The following CMIP variants were observed in gnomAD, a reference collection of about 807,000 sequenced individuals.
The protein encoded by CMIP is C-Maf-inducing protein.
In CMIP, 13 loss-of-function variants were observed where a neutral mutation model predicts 97.3. The ratio of observed to expected loss-of-function variants is 0.13; its 90% CI spans 0.09 to 0.21. The LOEUF (loss-of-function observed/expected upper bound fraction) is 0.21, where lower values mean the gene tolerates loss of function less well. Among genes scored for constraint, CMIP ranks in the 10% least tolerant of loss-of-function variants. The pLI is 1.00. For synonymous variants in CMIP, 538 were observed against 436.3 expected (o/e 1.23, Z -2.91); for missense variants, 847 against 1,024.9 (o/e 0.83, Z 2.37).
chr16:81,497,785 C>T (rs529626136), intron 1 of CMIP, among the ~76,000 whole-genome samples: 2 of 152,350 alleles, frequency 1.3e-5, no homozygotes, highest in South Asian at 4.1e-4. Flanking sequence ...GAGCCTTGGC[C>T]GACACAGGTG....
intron 1 of CMIP, among the ~76,000 whole-genome samples, chr16:81,599,911 C>G (rs1169956917): frequency 6.6e-6 from 1 of 152,120 alleles, no homozygotes; most frequent in Admixed American, 6.5e-5. Context: ...CCACGGGCAC[C>G]TGTGAATGTC....
intron 13 of CMIP, chr16:81,696,358 G>A: frequency 1.6e-6 from 1 of 622,416 alleles, no homozygotes; most frequent in Non-Finnish European, 2.9e-6. Context: ...GAGTCCCCTG[G>A]GGTGTGGGGG....
chr16:81,476,184 A>C, intron 1 of CMIP: 1 of 1,264,248 alleles, frequency 7.9e-7, no homozygotes, highest in Non-Finnish European at 1.2e-6. Flanking sequence ...TGCGTGTGGA[A>C]AACTGGGAAC....
intron 3 of CMIP, among the ~76,000 whole-genome samples, chr16:81,648,959 A>T (rs1021010761): frequency 1.3e-5 from 2 of 151,878 alleles, no homozygotes; most frequent in Non-Finnish European, 2.9e-5. Flanking sequence ...CATGTGCTTG[A>T]CAGTGCCCTG....
chr16:81,495,448 C>T (rs1375651998), intron 1 of CMIP: 2 of 1,611,144 alleles, frequency 1.2e-6, no homozygotes, highest in Non-Finnish European at 1.7e-6. Flanking sequence ...AGGGAAGTTA[C>T]AGATCTCCGC....
At chr16:81,593,964 C>G (rs1046852314) in intron 1 of CMIP, among the ~76,000 whole-genome samples, 5 of 147,382 alleles carry the variant, frequency 3.4e-5, no homozygotes, top group African/African-American at 1.3e-4. Flanking sequence ...CCTACCATAC[C>G]TTTCCTCCTC....
chr16:81,699,584 G>T lies in CMIP; in HGVS notation c.1639-101G>T, dbSNP rs1907155727. On this transcript the variant is annotated intron_variant, in intron 14 of 20. Transcript: ENST00000537098. ...CACCTGGCTGTCTGGACAGCGTGTA[G>T]GCAGGTCTGTTCAACGGCTCTTGGG... is the stretch of plus-strand genomic sequence containing the variant. The T allele has an allele frequency of 8.3e-5, 60 of 721,654 alleles. No individual in the cohort carries two copies. In the South Asian group the frequency reaches 9.4e-4, roughly 11 times the overall value. 44.7% of individuals were successfully genotyped at this position (721,654 alleles called of 1,614,324 possible). A position where few individuals can be genotyped will look rare whatever the true frequency, so the allele number is the denominator to read the frequency against.
chr16:81,480,840 TC>T (rs764996373), intron 1 of CMIP, among the ~76,000 whole-genome samples: 59 of 152,290 alleles, frequency 3.9e-4, no homozygotes, highest in Non-Finnish European at 8.1e-4. Flanking sequence ...GCCTCACTTA[TC>T]ATGGAGGGAG....
intron 1 of CMIP, among the ~76,000 whole-genome samples, chr16:81,577,403 CACT>C (rs1216658075): frequency 1.4e-5 from 2 of 147,158 alleles, no homozygotes; most frequent in Non-Finnish European, 3.0e-5. Context: ...TCCCCATTAC[CACT>C]ACATTATTAT....
At chr16:81,448,301 T>G (rs530428131) in intron 1 of CMIP, among the ~76,000 whole-genome samples, 13 of 152,334 alleles carry the variant, frequency 8.5e-5, no homozygotes, top group African/African-American at 3.1e-4. Context: ...TTCAAACCAA[T>G]AAACAAGCCA....
chr16:81,677,456 A>G (rs976259321), intron 9 of CMIP, among the ~76,000 whole-genome samples: 4 of 152,170 alleles, frequency 2.6e-5, no homozygotes, highest in African/African-American at 9.7e-5. Flanking sequence ...GCACCAGCAG[A>G]GGAACCCGTT....
chr16:81,625,575 G>GT (rs1769926213), intron 3 of CMIP, among the ~76,000 whole-genome samples: 1 of 152,240 alleles, frequency 6.6e-6, no homozygotes, highest in East Asian at 1.9e-4. Context: ...AGGGGACCGT[G>GT]TGTGTTTACA....
intron 1 of CMIP, among the ~76,000 whole-genome samples, chr16:81,465,729 C>A (rs1907163364): frequency 6.6e-6 from 1 of 152,210 alleles, no homozygotes. Flanking sequence ...GGCAGAGTGA[C>A]CCAGCACGGT....
chr16:81,482,053 A>G (rs990604009), intron 1 of CMIP, among the ~76,000 whole-genome samples: 1 of 151,822 alleles, frequency 6.6e-6, no homozygotes, highest in African/African-American at 2.4e-5. Context: ...TAATTTTTGT[A>G]TTTTTAGCAG....
chr16:81,479,994 G>T (rs1451575231), intron 1 of CMIP, among the ~76,000 whole-genome samples: 1 of 152,188 alleles, frequency 6.6e-6, no homozygotes, highest in Non-Finnish European at 1.5e-5. Context: ...AGCCCTGGCC[G>T]CACAATGGGA....
chr16:81,553,076 T>C (rs1233894145), intron 1 of CMIP, among the ~76,000 whole-genome samples: 1 of 152,170 alleles, frequency 6.6e-6, no homozygotes, highest in Non-Finnish European at 1.5e-5. Flanking sequence ...ATAAATGTTG[T>C]GAAGACCAGT....
intron 9 of CMIP, among the ~76,000 whole-genome samples, chr16:81,675,421 G>T (rs935737487): frequency 7.2e-6 from 1 of 138,462 alleles, no homozygotes; most frequent in East Asian, 2.1e-4. Flanking sequence ...GTTTCGCCAT[G>T]TTGGCCAGGC....
chr16:81,573,300 C>T (rs2091128943), intron 1 of CMIP, among the ~76,000 whole-genome samples: 1 of 151,250 alleles, frequency 6.6e-6, no homozygotes, highest in Admixed American at 6.6e-5. Flanking sequence ...GCCGAGATCG[C>T]GTCACTGCAC....
intron 15 of CMIP, 90 bp downstream of exon 15, chr16:81,699,891 C>T (rs1907198173): frequency 1.1e-6 from 1 of 882,320 alleles, no homozygotes; most frequent in South Asian, 1.5e-5. Flanking sequence ...CCAGGAGCTG[C>T]TGCAGGCACG....
Sources: allele counts gnomAD v4.1 joint callset (sites outside exome capture counted in the v4.1 genomes callset), GRCh38; gene constraint gnomAD v4.1.1; transcripts MANE v1.5; gene names NCBI Gene and HGNC (gene_info 2026-07-23, HGNC 2026-07-21).